ARHGEF4: variants seen among roughly 807,000 people sequenced by gnomAD.
ARHGEF4 encodes APC-stimulated guanine nucleotide exchange factor 1.
In ARHGEF4, 119 loss-of-function variants were observed where a neutral mutation model predicts 162.0. The ratio of observed to expected loss-of-function variants is 0.73; its 90% CI spans 0.63 to 0.86. The LOEUF (loss-of-function observed/expected upper bound fraction) is 0.86, where lower values mean the gene tolerates loss of function less well. Ranked by LOEUF, ARHGEF4 falls within the 40% of genes least tolerant of loss-of-function variation. The pLI is 0.00. For missense variants in ARHGEF4, 2,488 were observed against 2,456.0 expected (o/e 1.01, Z -0.28); for synonymous variants, 1,014 against 979.9 (o/e 1.03, Z -0.65).
Position 131,028,083 on chromosome 2 carries a change from A to G in ARHGEF4, c.4124A>G (p.Glu1375Gly). Residue 1375 changes from glutamate (E) to glycine (G), a missense_variant and splice_region_variant, in exon 5 of 14, where the codon GAG becomes GGG. By Grantham distance (98) the Glu-to-Gly change is moderately conservative. Transcript: ENST00000409359. ...GGTGGGGAGCAGCTGGCTATCAATG[A>G]GGTAGGGTCAGGGCTGCACGGGCAG... is the stretch of plus-strand genomic sequence containing the variant. ...GGGGEQLAIN[E>G]LISDGSVVCA... is the part of the protein sequence containing the mutation. The G allele has an allele frequency of 6.2e-7, 1 of 1,613,696 alleles. No individual in the cohort carries two copies. Among genetic ancestry groups the G allele is most frequent in the Non-Finnish European group, 8.5e-7 (1 of 1,179,972 alleles).
intron 4 of ARHGEF4, among the ~76,000 whole-genome samples, chr2:130,993,523 A>G (rs1687186539): frequency 6.6e-6 from 1 of 152,122 alleles, no homozygotes; most frequent in African/African-American, 2.4e-5. Context: ...TCAGTTGCTA[A>G]GGAAAGTATG....
intron 1 of ARHGEF4, among the ~76,000 whole-genome samples, chr2:130,849,568 CTTT>C (rs879574941): frequency 7.0e-6 from 1 of 142,942 alleles, no homozygotes. Context: ...ATCTAGGATA[CTTT>C]TTTTTTTTTT....
chr2:130,994,046 C>T (rs1573556234), intron 4 of ARHGEF4, among the ~76,000 whole-genome samples: 1 of 152,206 alleles, frequency 6.6e-6, no homozygotes, highest in South Asian at 2.1e-4. Context: ...TCCCAAAGTG[C>T]TGGGATACAG....
chr2:130,954,230 AG>A, intron 4 of ARHGEF4, among the ~76,000 whole-genome samples: 1 of 152,274 alleles, frequency 6.6e-6, no homozygotes, highest in East Asian at 1.9e-4. Context: ...GCCATAAAAA[AG>A]GATGAGTTCC....
rs1313771876 is a variant in ARHGEF4 at position 130,866,132 on chromosome 2, A to C, written c.39+29140A>C. ...ACACCTGTAATCCCAGTACTTTGGG[A>C]GTCTGAGGTGGAAGGATTGCTTAAG... On this transcript the variant is annotated intron_variant, in intron 1 of 13. Transcript: ENST00000409359. Among the ~76,000 whole-genome samples the C allele has an allele frequency of 2.0e-5, 3 of 152,226 alleles. No individual in the cohort carries two copies. In the South Asian group the frequency reaches 6.2e-4, roughly 32 times the overall value.
chr2:130,953,708 A>G (rs1246158422), intron 4 of ARHGEF4, among the ~76,000 whole-genome samples: 4 of 152,264 alleles, frequency 2.6e-5, no homozygotes, highest in Non-Finnish European at 5.9e-5. Flanking sequence ...ACAAATTTAC[A>G]AGAAAAAAAC....
intron 4 of ARHGEF4, among the ~76,000 whole-genome samples, chr2:130,962,053 A>T (rs1044547003): frequency 6.6e-6 from 1 of 152,138 alleles, no homozygotes. Flanking sequence ...ATCCTGGCCA[A>T]CATGGTAAAA....
At chr2:130,837,826 G>C (rs1344950467) in intron 1 of ARHGEF4, 4 of 283,078 alleles carry the variant, frequency 1.4e-5, no homozygotes, top group South Asian at 1.0e-4. Context: ...GCAGGTCCAG[G>C]GGGAGGCAGA....
intron 1 of ARHGEF4, among the ~76,000 whole-genome samples, chr2:130,844,655 A>T (rs1005216537): frequency 1.2e-4 from 18 of 151,984 alleles, no homozygotes; most frequent in African/African-American, 4.3e-4. Context: ...CCACTCTCCC[A>T]TAGAGCTCTG....
intron 1 of ARHGEF4, among the ~76,000 whole-genome samples, chr2:130,881,283 G>C (rs1679173681): frequency 6.6e-6 from 1 of 152,126 alleles, no homozygotes; most frequent in South Asian, 2.1e-4. Context: ...CAAAGTGCTG[G>C]GATTACAGGC....
Position 131,043,587 on chromosome 2 carries a change from C to T in ARHGEF4, c.5157+4C>T, listed in dbSNP as rs1443473605. On this transcript the variant is annotated splice_donor_region_variant and intron_variant, in intron 11 of 13. Transcript: ENST00000409359. ...CCAGCTCATCTACTGTAAGAAGGTA[C>T]CAGAGCTGCTCTGCCCTGCTGCCCC... The T allele has an allele frequency of 6.2e-7, 1 of 1,613,876 alleles. No individual in the cohort carries two copies. The highest frequency in any genetic ancestry group is 1.1e-5 in the South Asian group (1 of 91,084).
chr2:130,970,759 ATTGT>A (rs1187769591), intron 4 of ARHGEF4, among the ~76,000 whole-genome samples: 4 of 151,864 alleles, frequency 2.6e-5, no homozygotes, highest in African/African-American at 9.7e-5. Context: ...TTTTTATTGG[ATTGT>A]TTGTTTTCTT....
At position 130,931,228 on chromosome 2, in the gene ARHGEF4, A is replaced by C. The variant is rs190450788; in HGVS notation, c.3829A>C (p.Ile1277Leu). 1.2e-6 allele frequency: 2 copies of C among 1,612,328 alleles called. No homozygotes were observed. The highest frequency in any genetic ancestry group is 2.2e-5 in the South Asian group (2 of 90,900). The change falls in exon 3 of 14, where the codon ATA becomes CTA. Residue 1277 changes from isoleucine (I) to leucine (L), a missense_variant. Physicochemically the swap from Ile to Leu is conservative, Grantham distance 5 (BLOSUM62 2). Around this residue, in one of 6 missense-constraint regions of ARHGEF4, gnomAD observed 1,642 missense variants for 1,481.5 expected, o/e 1.11. Transcript: ENST00000409359. Reference sequence around the variant, plus strand: ...GGCCCACGTCGAAAGGAGGCTGCACATAGGGGCAGTGCACAAAGATGGAGT... The same window carrying C: ...GGCCCACGTCGAAAGGAGGCTGCACCTAGGGGCAGTGCACAAAGATGGAGT... ...KQAHVERRLH[I>L]GAVHKDGVKC...
intron 4 of ARHGEF4, among the ~76,000 whole-genome samples, chr2:130,994,741 T>C (rs748803867): frequency 9.9e-5 from 15 of 152,266 alleles, no homozygotes; most frequent in African/African-American, 1.9e-4. Context: ...CTGGAGTGTT[T>C]TCCTTCTGGA....
intron 1 of ARHGEF4, among the ~76,000 whole-genome samples, chr2:130,873,479 C>A (rs1407468430): frequency 6.7e-6 from 1 of 150,238 alleles, no homozygotes; most frequent in African/African-American, 2.5e-5. Flanking sequence ...ATCCTAGCTA[C>A]TCGGGAGGCT....
In ARHGEF4 at chr2:130,915,949, T is replaced by C. The variant is rs923873064; in HGVS notation, c.2003T>C (p.Leu668Ser). ...CCTAAGGAAAGACCAGAATCTCCCT[T>C]GAGCACTGGCGAGACCCCCTGTGAG... ...DFPKERPESP[L>S]STGETPCESP... The change falls in exon 2 of 14, where the codon TTG becomes TCG. Residue 668 changes from leucine to serine, a missense_variant. Around this residue, in one of 6 missense-constraint regions of ARHGEF4, gnomAD observed 1,642 missense variants for 1,481.5 expected, o/e 1.11. Transcript: ENST00000409359. 4.5e-6 allele frequency: 7 copies of C among 1,550,460 alleles called. No individual in the cohort carries two copies. The highest frequency in any genetic ancestry group is 6.1e-6 in the Non-Finnish European group (7 of 1,146,992).
intron 1 of ARHGEF4, among the ~76,000 whole-genome samples, chr2:130,838,410 A>C (rs958820223): frequency 4.6e-5 from 7 of 152,156 alleles, no homozygotes; most frequent in African/African-American, 1.4e-4. Flanking sequence ...GTTCGAGACC[A>C]GCCTGGCCAA....
At chr2:130,935,286 C>G (rs1170226720) in intron 3 of ARHGEF4, among the ~76,000 whole-genome samples, 1 of 152,112 alleles carries the variant, frequency 6.6e-6, no homozygotes, top group Non-Finnish European at 1.5e-5. Context: ...GGTTTGCCCA[C>G]CTCAGCCTCC....
At chr2:131,028,449 C>T (rs995222163) in intron 5 of ARHGEF4, among the ~76,000 whole-genome samples, 9 of 152,224 alleles carry the variant, frequency 5.9e-5, no homozygotes, top group Non-Finnish European at 1.2e-4. Flanking sequence ...CCTGACCCCC[C>T]AACCAGCCAT....
Sources: allele counts gnomAD v4.1 joint callset (sites outside exome capture counted in the v4.1 genomes callset), GRCh38; gene constraint gnomAD v4.1.1; regional missense constraint gnomAD v4.1.1; transcripts MANE v1.5; gene names NCBI Gene and HGNC (gene_info 2026-07-23, HGNC 2026-07-21).